FSTL4: variants seen among roughly 807,000 people sequenced by gnomAD.
The protein encoded by FSTL4 is follistatin-related protein 4.
Under a neutral mutation model 78.2 loss-of-function variants are expected in FSTL4, and 28 were observed. The observed-to-expected ratio is 0.36, with a 90% confidence interval of 0.27 to 0.49. The LOEUF (loss-of-function observed/expected upper bound fraction) is 0.49. Ranked by LOEUF, FSTL4 falls within the 20% of genes least tolerant of loss-of-function variation. The probability of loss-of-function intolerance (pLI) is 0.98; values close to 1 mark genes in which losing one functional copy is unlikely to be tolerated. For missense variants in FSTL4, 922 were observed against 1,084.9 expected (o/e 0.85, Z 2.11); for synonymous variants, 422 against 440.5 (o/e 0.96, Z 0.53).
chr5:133,800,890 T>C, the FSTL4 span, among the ~76,000 whole-genome samples: 1 of 152,090 alleles, frequency 6.6e-6, no homozygotes, highest in Non-Finnish European at 1.5e-5. Context: ...TATATCTCTA[T>C]TCCTGAGGGA....
At chr5:133,395,822 C>T (rs1050246735) in intron 4 of FSTL4, among the ~76,000 whole-genome samples, 12 of 152,158 alleles carry the variant, frequency 7.9e-5, no homozygotes, top group African/African-American at 1.2e-4. Flanking sequence ...CTTCTCTAAA[C>T]GTTCTCATCT....
chr5:133,318,511 G>C (rs1753964246), intron 4 of FSTL4, among the ~76,000 whole-genome samples: 3 of 152,246 alleles, frequency 2.0e-5, no homozygotes, highest in Admixed American at 6.5e-5. Flanking sequence ...TGAAAGTGGA[G>C]GTGGGGCCAG....
At chr5:133,638,767 G>A in the FSTL4 span, among the ~76,000 whole-genome samples, 5 of 151,466 alleles carry the variant, frequency 3.3e-5, no homozygotes, top group African/African-American at 4.9e-5. Flanking sequence ...TAAGCTCCAC[G>A]AGGGCTGGAC....
At chr5:133,811,082 A>G in the FSTL4 span, among the ~76,000 whole-genome samples, 7 of 152,170 alleles carry the variant, frequency 4.6e-5, no homozygotes, top group Non-Finnish European at 1.0e-4. Context: ...TCCACTCCTC[A>G]AAAGTGCATT....
the FSTL4 span, among the ~76,000 whole-genome samples, chr5:133,685,697 G>A: frequency 0.45 from 68,646 of 152,030 alleles, 15,773 homozygotes; most frequent in East Asian, 0.57. Context: ...GTCCTGGAAG[G>A]CTGGGACAAC....
intron 3 of FSTL4, among the ~76,000 whole-genome samples, chr5:133,438,647 C>T (rs1287004296): frequency 1.3e-5 from 2 of 152,210 alleles, no homozygotes; most frequent in African/African-American, 4.8e-5. Context: ...GGGAGTTTGA[C>T]TAAGTAAAGA....
the FSTL4 span, among the ~76,000 whole-genome samples, chr5:133,762,600 G>A: frequency 6.6e-6 from 1 of 152,164 alleles, no homozygotes; most frequent in Non-Finnish European, 1.5e-5. Flanking sequence ...ATATCCAGAA[G>A]GTCCAGCTCC....
intron 4 of FSTL4, among the ~76,000 whole-genome samples, chr5:133,318,314 C>T (rs547111955): frequency 2.0e-5 from 3 of 152,138 alleles, no homozygotes; most frequent in Non-Finnish European, 4.4e-5. Context: ...GTCTGTAGAG[C>T]TACAGGGCAT....
At chr5:133,409,972 C>A (rs1756446539) in intron 3 of FSTL4, among the ~76,000 whole-genome samples, 1 of 152,134 alleles carries the variant, frequency 6.6e-6, no homozygotes, top group South Asian at 2.1e-4. Context: ...AAAATTATCC[C>A]ACATCTGTGA....
At chr5:133,430,029 C>T (rs948302392) in intron 3 of FSTL4, among the ~76,000 whole-genome samples, 1 of 152,136 alleles carries the variant, frequency 6.6e-6, no homozygotes. Flanking sequence ...ATAATTAGTA[C>T]TTGAGAAAGA....
intron 4 of FSTL4, among the ~76,000 whole-genome samples, chr5:133,331,493 A>AGG (rs1754345920): frequency 6.6e-6 from 1 of 152,128 alleles, no homozygotes; most frequent in Non-Finnish European, 1.5e-5. Context: ...CACCTGCGGA[A>AGG]GGGGCTCCTG....
intron 14 of FSTL4, among the ~76,000 whole-genome samples, chr5:133,205,386 C>T (rs887190393): frequency 1.3e-4 from 19 of 150,736 alleles, no homozygotes; most frequent in Admixed American, 9.2e-4. Context: ...TTTTTCTTTG[C>T]GTGTGTGTGT....
At chr5:133,522,369 C>G (rs1758998442) in intron 3 of FSTL4, among the ~76,000 whole-genome samples, 1 of 152,122 alleles carries the variant, frequency 6.6e-6, no homozygotes, top group East Asian at 1.9e-4. Flanking sequence ...CTTTAACGAC[C>G]CTAGAAGATA....
chr5:133,754,129 C>A, the FSTL4 span, among the ~76,000 whole-genome samples: 2 of 152,124 alleles, frequency 1.3e-5, no homozygotes, highest in Admixed American at 1.3e-4. Context: ...CAGAGTCAGA[C>A]AAGAGAATTT....
intron 3 of FSTL4, among the ~76,000 whole-genome samples, chr5:133,543,817 T>C (rs1759522288): frequency 6.6e-6 from 1 of 152,112 alleles, no homozygotes; most frequent in Non-Finnish European, 1.5e-5. Context: ...ATTTTGTATT[T>C]TCTATTTTTT....
At chr5:133,657,763 TTTGTTTTTTTTG>T in the FSTL4 span, among the ~76,000 whole-genome samples, 1 of 114,822 alleles carries the variant, frequency 8.7e-6, no homozygotes, top group Non-Finnish European at 1.7e-5. Flanking sequence ...CTTACTGTTT[TTTGTTTTTTTTG>T]TTTTTTTTTT....
the FSTL4 span, among the ~76,000 whole-genome samples, chr5:133,714,024 G>T: frequency 1.3e-5 from 2 of 152,158 alleles, no homozygotes. Flanking sequence ...CCAGGAGGGA[G>T]ACCCTTGCTT....
chr5:133,671,924 T>C, the FSTL4 span, among the ~76,000 whole-genome samples: 1 of 152,256 alleles, frequency 6.6e-6, no homozygotes, highest in South Asian at 2.1e-4. Context: ...TTCTTTATTA[T>C]GGCTAGCAGA....
the FSTL4 span, among the ~76,000 whole-genome samples, chr5:133,753,478 C>T: frequency 1.3e-5 from 2 of 152,138 alleles, no homozygotes; most frequent in African/African-American, 4.8e-5. Context: ...GCCTGGTTCC[C>T]CCATCAAATT....
Sources: allele counts gnomAD v4.1 joint callset (sites outside exome capture counted in the v4.1 genomes callset), GRCh38; gene constraint gnomAD v4.1.1; transcripts MANE v1.5; gene names NCBI Gene and HGNC (gene_info 2026-07-23, HGNC 2026-07-21).